The following CREB5 variants were observed in gnomAD, a reference collection of about 807,000 sequenced individuals.
CREB5 encodes cAMP responsive element binding protein 5.
A neutral mutation model predicts 57.1 loss-of-function variants in CREB5; 19 were observed. The ratio of observed to expected loss-of-function variants is 0.33; its 90% CI spans 0.23 to 0.49. The LOEUF (loss-of-function observed/expected upper bound fraction) is 0.49, where lower values mean the gene tolerates loss of function less well. Among genes scored for constraint, CREB5 ranks in the 20% least tolerant of loss-of-function variants. CREB5 has a pLI of 0.99. For synonymous variants in CREB5, 238 were observed against 238.3 expected (o/e 1.00, Z 0.01); for missense variants, 579 against 671.6 (o/e 0.86, Z 1.52).
At chr7:28,685,691 ATT>A (rs1296067296) in intron 5 of CREB5, among the ~76,000 whole-genome samples, 2 of 88,610 alleles carry the variant, frequency 2.3e-5, no homozygotes, top group Non-Finnish European at 4.9e-5. Flanking sequence ...TTTAACCAGT[ATT>A]TTTTTTTTGT....
In CREB5 at chr7:28,494,992, G is replaced by A. The variant is rs764412503; in HGVS notation, c.162G>A (p.Met54Ile). 4.4e-6 allele frequency: 7 copies of A among 1,601,772 alleles called. No individual in the cohort carries two copies. Among genetic ancestry groups the A allele is most frequent in the South Asian group, 2.3e-5 (2 of 88,432 alleles). Residue 54 changes from methionine (M) to isoleucine (I), a missense_variant, in exon 3 of 11, where the codon ATG (methionine) becomes ATA (isoleucine). Met to Ile is a conservative substitution (Grantham distance 10). This residue lies in a region of CREB5 where 459 missense variants were observed against 515.7 expected (regional missense o/e 0.89). Coordinates refer to ENST00000357727, the MANE Select transcript of CREB5 (RefSeq NM_182898.4). ...TTCCTTCAATAAAAACAGACAATAT[G>A]TTATCAGGTAAGGAGCCATCAGGAA... is the stretch of plus-strand genomic sequence containing the variant. Reference protein sequence around the residue: ...LKFPSIKTDNMLSDQTPTPTR... With the variant: ...LKFPSIKTDNILSDQTPTPTR...
intron 5 of CREB5, among the ~76,000 whole-genome samples, chr7:28,588,647 A>C (rs1796387095): frequency 6.6e-6 from 1 of 152,222 alleles, no homozygotes; most frequent in Non-Finnish European, 1.5e-5. Context: ...CTGGGGATAC[A>C]CAAGCCTTAG....
chr7:28,513,863 T>G (rs1183334519), intron 4 of CREB5: 1 of 152,214 alleles, frequency 6.6e-6, no homozygotes, highest in Admixed American at 6.5e-5. Flanking sequence ...TGCTTCAACT[T>G]TAAAATGGAG....
chr7:28,778,199 A>G (rs1032551742), intron 7 of CREB5, among the ~76,000 whole-genome samples: 2 of 152,256 alleles, frequency 1.3e-5, no homozygotes, highest in Non-Finnish European at 2.9e-5. Context: ...ACTTGAGCAC[A>G]TCTTTATGTA....
chr7:28,388,095 G>A (rs1787146845), intron 1 of CREB5, among the ~76,000 whole-genome samples: 1 of 152,128 alleles, frequency 6.6e-6, no homozygotes, highest in Non-Finnish European at 1.5e-5. Flanking sequence ...TGAGTTGAGG[G>A]TGAGTTCCTA....
At chr7:28,468,494 A>T (rs1790680626) in intron 1 of CREB5, among the ~76,000 whole-genome samples, 1 of 152,252 alleles carries the variant, frequency 6.6e-6, no homozygotes. Context: ...TCTGAGACAG[A>T]GACAGATCTG....
Position 28,426,266 on chromosome 7 carries a change from G to A in CREB5, c.3+13349G>A, listed in dbSNP as rs77184035. Among the ~76,000 whole-genome samples the A allele has an allele frequency of 5.3e-4, 80 of 152,328 alleles. No homozygotes were observed. In the East Asian group the frequency reaches 0.014, roughly 27 times the overall value. On this transcript the variant is annotated intron_variant, in intron 1 of 10. Coordinates refer to ENST00000357727, the MANE Select transcript of CREB5 (RefSeq NM_182898.4). ...ATAAGGCTTAGAGGTTAAGGGACTTGACCAGTGGGACAAAACCAGTAAATG... is the reference window on the plus strand; with the variant it reads ...ATAAGGCTTAGAGGTTAAGGGACTTAACCAGTGGGACAAAACCAGTAAATG...
chr7:28,763,808 TTA>T (rs1554297044), intron 7 of CREB5, among the ~76,000 whole-genome samples: 20 of 87,152 alleles, frequency 2.3e-4, no homozygotes, highest in Admixed American at 1.8e-3. Context: ...ATTATTATTA[TTA>T]TTTTTTTTTG....
intron 8 of CREB5, among the ~76,000 whole-genome samples, chr7:28,807,957 C>T (rs1274123398): frequency 6.6e-6 from 1 of 152,172 alleles, no homozygotes; most frequent in Non-Finnish European, 1.5e-5. Flanking sequence ...GTGTGGGGGT[C>T]TCCAAGCCTT....
intron 1 of CREB5, among the ~76,000 whole-genome samples, chr7:28,455,685 C>A (rs565132997): frequency 7.0e-6 from 1 of 143,554 alleles, no homozygotes; most frequent in Non-Finnish European, 1.5e-5. Flanking sequence ...TGGAGGAATG[C>A]GGGGTTAAAG....
chr7:28,349,019 G>A (rs1215911908), intron 1 of CREB5, among the ~76,000 whole-genome samples: 1 of 152,208 alleles, frequency 6.6e-6, no homozygotes, highest in Non-Finnish European at 1.5e-5. Context: ...ACAGACAAAC[G>A]TTGCCAGGTG....
chr7:28,431,601 C>T (rs1788716500), intron 1 of CREB5, among the ~76,000 whole-genome samples: 1 of 152,110 alleles, frequency 6.6e-6, no homozygotes, highest in South Asian at 2.1e-4. Context: ...GTCAGTCTTT[C>T]CTAAGCAAGA....
At chr7:28,421,235 A>T (rs1284629041) in intron 1 of CREB5, among the ~76,000 whole-genome samples, 1 of 152,188 alleles carries the variant, frequency 6.6e-6, no homozygotes, top group Non-Finnish European at 1.5e-5. Flanking sequence ...AAATGAGAAC[A>T]TCCAGAAATT....
rs1452849003 is a variant in CREB5 at position 28,821,506 on chromosome 7, C to T, written c.*2227C>T. 3 of 149,890 alleles carry T rather than the reference C, an allele frequency of 2.0e-5. No homozygotes were observed. In the East Asian group the frequency reaches 5.9e-4, roughly 29 times the overall value. The allele number at this position is 149,890 out of a possible 1,614,324, so 9.3% of individuals were successfully genotyped here. On this transcript the variant is annotated 3_prime_UTR_variant, in exon 11 of 11. Transcript: ENST00000357727. The stretch of plus-strand genomic sequence containing the variant: ...AGAAAAGAGAAAAAAAGAAAAAATG[C>T]AAATGGAATAATTTTCTATTATATT...
chr7:28,388,022 G>T (rs1787145738), intron 1 of CREB5, among the ~76,000 whole-genome samples: 1 of 152,016 alleles, frequency 6.6e-6, no homozygotes. Context: ...ATTTCCTCAT[G>T]TACTTTGTAC....
intron 4 of CREB5, among the ~76,000 whole-genome samples, chr7:28,530,881 A>G (rs1306515236): frequency 1.3e-5 from 2 of 152,212 alleles, no homozygotes; most frequent in Admixed American, 6.5e-5. Context: ...TATTAAGACA[A>G]GATCTTCTGC....
intron 1 of CREB5, among the ~76,000 whole-genome samples, chr7:28,466,420 G>A (rs1483714325): frequency 1.3e-5 from 2 of 152,190 alleles, no homozygotes; most frequent in Non-Finnish European, 2.9e-5. Context: ...GTTGGCAGAT[G>A]TGTGTTTGGT....
At chr7:28,445,633 G>T (rs1222566612) in intron 1 of CREB5, among the ~76,000 whole-genome samples, 1 of 151,674 alleles carries the variant, frequency 6.6e-6, no homozygotes, top group East Asian at 1.9e-4. Flanking sequence ...CTCACTGCAA[G>T]CTCCGCCTCC....
chr7:28,419,069 A>G (rs1788132445), intron 1 of CREB5, among the ~76,000 whole-genome samples: 2 of 152,238 alleles, frequency 1.3e-5, no homozygotes, highest in South Asian at 4.1e-4. Flanking sequence ...CTTAACATGG[A>G]ATCTGTTTTA....
Sources: gnomAD v4.1 joint callset for allele counts (sites outside exome capture counted in the v4.1 genomes callset) on GRCh38, gnomAD v4.1.1 for gene constraint, gnomAD v4.1.1 regional missense constraint, MANE v1.5 for transcripts, NCBI Gene and HGNC (gene_info 2026-07-23, HGNC 2026-07-21) for gene names.